The following ADAM9 variants were observed in gnomAD, a reference collection of about 807,000 sequenced individuals.
ADAM9 encodes the protein ADAM metallopeptidase domain 9, also known as disintegrin and metalloproteinase domain-containing protein 9.
Under a neutral mutation model 108.1 loss-of-function variants are expected in ADAM9, and 54 were observed. That is an observed-to-expected ratio of 0.50 (90% CI 0.40 to 0.63). The LOEUF (loss-of-function observed/expected upper bound fraction) is 0.63, where lower values mean the gene tolerates loss of function less well. ADAM9 is among the 20% of genes least tolerant of loss of function. ADAM9 has a pLI of 0.00. For synonymous variants in ADAM9, 316 were observed against 336.0 expected (o/e 0.94, Z 0.65); for missense variants, 830 against 997.7 (o/e 0.83, Z 2.26).
chr8:39,061,739 G>T (rs1383219600), intron 14 of ADAM9, among the ~76,000 whole-genome samples: 1 of 152,038 alleles, frequency 6.6e-6, no homozygotes, highest in East Asian at 1.9e-4. Context: ...GGGGCCAAAC[G>T]CACCCTTTTA....
At chr8:39,035,783 T>C (rs758433982) in intron 11 of ADAM9, among the ~76,000 whole-genome samples, 27 of 152,146 alleles carry the variant, frequency 1.8e-4, no homozygotes, top group East Asian at 9.7e-4. Flanking sequence ...TGCCACTGCA[T>C]TCCAGCCTGG....
rs547790184 is a variant in ADAM9, at chr8:39,009,392, A to G, written c.195+1409A>G. Among the ~76,000 whole-genome samples, 4 of 152,308 alleles carry G rather than the reference A, an allele frequency of 2.6e-5. No individual in the cohort carries two copies. The East Asian group carries it at 5.8e-4, about 22-fold the overall frequency. On this transcript the variant is annotated intron_variant, in intron 2 of 21. Coordinates refer to ENST00000487273, the MANE Select transcript of ADAM9 (RefSeq NM_003816.3). ...GTAGCTGGGACTACAGGCATGTGCC[A>G]CTATACCCAGCTAATTTCGTATCTT... is the stretch of plus-strand genomic sequence containing the variant.
intron 20 of ADAM9, among the ~76,000 whole-genome samples, chr8:39,091,950 A>G (rs958419340): frequency 2.6e-5 from 4 of 152,214 alleles, no homozygotes; most frequent in South Asian, 4.1e-4. Context: ...CCTATTTTCA[A>G]TACCTGTCTC....
In ADAM9 at chr8:39,044,283, G is replaced by T. The variant is rs529901807; in HGVS notation, c.1302+2166G>T. 9.9e-5 allele frequency among the ~76,000 whole-genome samples: 15 copies of T among 152,202 alleles called. 1 individual carries two copies. The highest frequency in any genetic ancestry group is 6.8e-3 in the Middle Eastern group (2 of 294). On this transcript the variant is annotated intron_variant, in intron 12 of 21. Transcript: ENST00000487273. Reference sequence around the variant, plus strand: ...ATTTTTGTGTATGGCGTAAGATAAGGTTCCAATTTCATTCTTTTGCATGTT... The same window carrying T: ...ATTTTTGTGTATGGCGTAAGATAAGTTTCCAATTTCATTCTTTTGCATGTT...
intron 21 of ADAM9, among the ~76,000 whole-genome samples, chr8:39,102,664 A>AC (rs1839736547): frequency 6.6e-6 from 1 of 152,248 alleles, no homozygotes; most frequent in African/African-American, 2.4e-5. Context: ...AATAGACCAT[A>AC]GAAACAGACT....
intron 1 of ADAM9, among the ~76,000 whole-genome samples, chr8:39,002,263 G>A (rs940367369): frequency 6.7e-6 from 1 of 149,400 alleles, no homozygotes; most frequent in Admixed American, 6.7e-5. Context: ...GGCAGGAGAA[G>A]CCCATGGTTT....
chr8:39,077,307 A>G lies in ADAM9; in HGVS notation c.1777A>G (p.Thr593Ala). ...VFGIVPAIIQ[T>A]PSRGTKCWGV... ...TGGAATTGTGCCTGCTATTATTCAA[A>G]CGCCTAGTCGAGGCACCAAATGTTG... Residue 593 changes from threonine to alanine, a missense_variant, in exon 16 of 22, where the codon ACG becomes GCG. By Grantham distance (58) the Thr-to-Ala change is moderately conservative. Coordinates refer to ENST00000487273, the MANE Select transcript of ADAM9 (RefSeq NM_003816.3). 6.2e-7 allele frequency: 1 copy of G among 1,614,116 alleles called. No homozygotes were observed. Among genetic ancestry groups the G allele is most frequent in the Non-Finnish European group, 8.5e-7 (1 of 1,180,002 alleles).
At chr8:39,033,453 GCT>G (rs779038906) in intron 11 of ADAM9, among the ~76,000 whole-genome samples, 3 of 150,296 alleles carry the variant, frequency 2.0e-5, no homozygotes, top group Non-Finnish European at 4.4e-5. Flanking sequence ...ATCTGATATT[GCT>G]TTACCTTCCT....
intron 11 of ADAM9, among the ~76,000 whole-genome samples, chr8:39,033,443 A>T (rs1343246881): frequency 6.6e-6 from 1 of 151,578 alleles, no homozygotes; most frequent in South Asian, 2.1e-4. Flanking sequence ...AGGACTACCA[A>T]TCTGATATTG....
Position 39,016,195 on chromosome 8 carries a change from G to A in ADAM9, c.410+1G>A. The stretch of plus-strand genomic sequence containing the variant: ...CTCTTAGCGACTGTTTTGGACTCAG[G>A]TAAGCAATTTCCTTTATCTTCTTTT... On this transcript the variant is annotated splice_donor_variant, in intron 5 of 21. Coordinates refer to ENST00000487273, the MANE Select transcript of ADAM9 (RefSeq NM_003816.3). LOFTEE classifies it high-confidence loss of function. The A allele has an allele frequency of 6.2e-7, 1 of 1,612,446 alleles. No homozygotes were observed. Among genetic ancestry groups the A allele is most frequent in the Non-Finnish European group, 8.5e-7 (1 of 1,178,582 alleles).
At chr8:39,096,332 TA>T (rs1554587778) in intron 20 of ADAM9, among the ~76,000 whole-genome samples, 4 of 126,110 alleles carry the variant, frequency 3.2e-5, no homozygotes, top group East Asian at 3.0e-4. Flanking sequence ...GTGCATATTC[TA>T]TAGCACATAT....
intron 20 of ADAM9, among the ~76,000 whole-genome samples, chr8:39,100,218 G>T (rs1183751775): frequency 1.3e-5 from 2 of 151,804 alleles, no homozygotes; most frequent in Non-Finnish European, 2.9e-5. Flanking sequence ...GGCTGGGCGC[G>T]GTGGCTCATA....
chr8:39,082,901 A>G, intron 17 of ADAM9, 67 bp from the exon 18 acceptor site: 1 of 1,455,372 alleles, frequency 6.9e-7, no homozygotes, highest in Non-Finnish European at 9.6e-7. Flanking sequence ...CTTGGTTTCC[A>G]TTCTTGAGTT....
chr8:39,030,648 T>C (rs1837068302), intron 11 of ADAM9, among the ~76,000 whole-genome samples: 2 of 152,034 alleles, frequency 1.3e-5, no homozygotes, highest in Non-Finnish European at 2.9e-5. Context: ...TAAGAGAGTA[T>C]GTTTAGTTTT....
At chr8:39,002,209 T>G (rs190784310) in intron 1 of ADAM9, among the ~76,000 whole-genome samples, 1 of 152,148 alleles carries the variant, frequency 6.6e-6, no homozygotes, top group African/African-American at 2.4e-5. Context: ...ATTTTTATTT[T>G]CTACAGTGGA....
intron 5 of ADAM9, among the ~76,000 whole-genome samples, chr8:39,016,518 A>G (rs1464210890): frequency 1.3e-5 from 2 of 152,196 alleles, no homozygotes; most frequent in Non-Finnish European, 2.9e-5. Context: ...TAAGACTTGT[A>G]TTTAAGTCTT....
intron 12 of ADAM9, among the ~76,000 whole-genome samples, chr8:39,050,890 C>T (rs947909761): frequency 1.5e-5 from 2 of 130,480 alleles, no homozygotes; most frequent in Non-Finnish European, 3.1e-5. Context: ...GGAACTGTGG[C>T]GAGTGTCTGA....
At chr8:39,027,084 G>A (rs1267577421) in intron 11 of ADAM9, among the ~76,000 whole-genome samples, 3 of 151,436 alleles carry the variant, frequency 2.0e-5, no homozygotes, top group Non-Finnish European at 4.4e-5. Context: ...CAATACTTAT[G>A]TAGGCACAAG....
In ADAM9 at chr8:39,023,194, A is replaced by G. The variant is rs761900840; in HGVS notation, c.783A>G (p.Gly261=). 6.2e-7 allele frequency: 1 copy of G among 1,613,404 alleles called. No individual in the cohort carries two copies. The highest frequency in any genetic ancestry group is 8.5e-7 in the Non-Finnish European group (1 of 1,179,718). ...IMLNIRIVLV[G]LEIWTNGNLI... ...TAAATATTCGAATTGTGCTAGTTGG[A>G]CTGGAGATTTGGACCAATGGAAACC... Residue 261 remains glycine, a synonymous_variant, in exon 9 of 22, where the codon GGA becomes GGG. Transcript: ENST00000487273.
Sources: gnomAD v4.1 joint callset for allele counts (sites outside exome capture counted in the v4.1 genomes callset) on GRCh38, gnomAD v4.1.1 for gene constraint, MANE v1.5 for transcripts, NCBI Gene and HGNC (gene_info 2026-07-23, HGNC 2026-07-21) for gene names.